The following HSPA9 variants were observed in gnomAD, a reference collection of about 807,000 sequenced individuals.
The protein encoded by HSPA9 is stress-70 protein, mitochondrial.
A neutral mutation model predicts 81.5 loss-of-function variants in HSPA9; 28 were observed. The ratio of observed to expected loss-of-function variants is 0.34; its 90% confidence interval spans 0.25 to 0.47. The LOEUF is 0.47. Among genes scored for constraint, HSPA9 ranks in the 20% least tolerant of loss-of-function variants. HSPA9 has a pLI of 1.00. For missense variants in HSPA9, 678 were observed against 838.0 expected, an observed-to-expected ratio of 0.81 and a Z score of 2.36; for synonymous variants, 293 against 290.4, an observed-to-expected ratio of 1.01 and a Z score of -0.09.
chr5:138,575,286 A>G lies in HSPA9; in HGVS notation c.33T>C (p.Arg11=). The G allele has an allele frequency of 6.2e-7, 1 of 1,611,812 alleles. No individual in the cohort carries two copies. Among genetic ancestry groups the G allele is most frequent in the Non-Finnish European group, 8.5e-7 (1 of 1,179,544 alleles). ...CCCGGGAGGCTGCGGCGCCCACGAG[A>G]CGGGCTGCTGCAGCTCGGCTGGCAC... is the stretch of plus-strand genomic sequence containing the variant. MISASRAAAA[R]LVGAAASRGP... is the part of the protein sequence containing the mutation. The change falls in exon 1 of 17, where the codon CGT becomes CGC. Residue 11 remains arginine, a synonymous_variant. Transcript: ENST00000297185.
chr5:138,556,645 C>T, intron 15 of HSPA9, 53 bp from the exon 16 acceptor site: 4 of 1,593,520 alleles, frequency 2.5e-6, no homozygotes, highest in Non-Finnish European at 2.6e-6. Context: ...TGTACCATTA[C>T]AAGTAGAAGT....
chr5:138,571,438 G>A (rs887929255), intron 3 of HSPA9, among the ~76,000 whole-genome samples: 1 of 151,970 alleles, frequency 6.6e-6, no homozygotes, highest in Non-Finnish European at 1.5e-5. Flanking sequence ...GCCCGCCTCA[G>A]CCTCCCGAAG....
In HSPA9 at chr5:138,569,048, T is replaced by G. The variant is rs773433521; in HGVS notation, c.412A>C (p.Lys138Gln). ...CGGACAATTTTAAAGGGAACATTTT[T>G]ACTGTAAGACACAAAAATTCTATTA... ...YDDPEVQKDI[K>Q]NVPFKIVRAS... The change falls in exon 5 of 17, where the codon AAA becomes CAA. Residue 138 changes from lysine to glutamine, a missense_variant and splice_region_variant. By Grantham distance (53) the Lys-to-Gln change is moderately conservative (BLOSUM62 1). Around this residue, in one of 4 missense-constraint regions of HSPA9, gnomAD observed 484 missense variants for 647.5 expected, o/e 0.75. Transcript: ENST00000297185. The G allele has an allele frequency of 1.2e-6, 2 of 1,613,730 alleles. No homozygotes were observed. Among genetic ancestry groups the G allele is most frequent in the East Asian group, 4.5e-5 (2 of 44,868 alleles).
chr5:138,571,220 G>A (rs113985110), intron 3 of HSPA9, 79 bp from the exon 4 acceptor site: 51 of 1,410,226 alleles, frequency 3.6e-5, no homozygotes, highest in Non-Finnish European at 4.3e-5. Context: ...TCACTCTGTC[G>A]CTAAGGCTGG....
intron 9 of HSPA9, among the ~76,000 whole-genome samples, chr5:138,564,180 T>C (rs1444270402): frequency 6.6e-6 from 1 of 152,230 alleles, no homozygotes; most frequent in Non-Finnish European, 1.5e-5. Flanking sequence ...CTGGGCTCAC[T>C]GCAACCTCTG....
In HSPA9 at chr5:138,575,229, G is replaced by T; in HGVS notation, c.81+9C>A. 1.3e-6 allele frequency: 2 copies of T among 1,593,840 alleles called. No individual in the cohort carries two copies. Among genetic ancestry groups the T allele is most frequent in the Non-Finnish European group, 1.7e-6 (2 of 1,169,826 alleles). On this transcript the variant is annotated intron_variant, in intron 1 of 16. Transcript: ENST00000297185. ...CGTGACCCCATTCGGGAAGGTCCCA[G>T]TTCCTCACCTGGTGGCGGGCGGCCG...
Position 138,575,250 on chromosome 5 carries a change from G to C in HSPA9, c.69C>G (p.Ala23=). ...CCCAGTTCCTCACCTGGTGGCGGGC[G>C]GCCGTAGGGCCCCGGGAGGCTGCGG... ...VGAAASRGPT[A]ARHQDSWNGL... is the part of the protein sequence containing the mutation. Residue 23 remains alanine (A), a synonymous_variant, in exon 1 of 17, where the codon GCC becomes GCG. Coordinates refer to ENST00000297185, the MANE Select transcript of HSPA9 (RefSeq NM_004134.7). 6.2e-7 allele frequency: 1 copy of C among 1,605,064 alleles called. No homozygotes were observed. The highest frequency in any genetic ancestry group is 1.3e-5 in the African/African-American group (1 of 74,996).
At chr5:138,561,243 C>G (rs1750653394) in intron 10 of HSPA9, 1 of 365,822 alleles carries the variant, frequency 2.7e-6, no homozygotes, top group Non-Finnish European at 5.5e-6. Flanking sequence ...AATTCTATGA[C>G]TGAGTTCGGG....
rs1750482072 is a variant in HSPA9 at position 138,554,651 on chromosome 5, G to A, written c.*1386C>T. ...CATATTACAAAACATTATAAAAGGA[G>A]CCATTGTGTCTGATATTCTAAGCCC... On this transcript the variant is annotated 3_prime_UTR_variant, in exon 17 of 17. Coordinates refer to ENST00000297185, the MANE Select transcript of HSPA9 (RefSeq NM_004134.7). 6.6e-6 allele frequency among the ~76,000 whole-genome samples: 1 copy of A among 152,196 alleles called. No homozygotes were observed. Among genetic ancestry groups the A allele is most frequent in the Admixed American group, 6.5e-5 (1 of 15,280 alleles).
intron 11 of HSPA9, chr5:138,559,581 G>T: frequency 2.5e-6 from 1 of 400,614 alleles, no homozygotes; most frequent in East Asian, 5.7e-5. Context: ...AGTCTCAAAT[G>T]ACTGAGATCC....
chr5:138,553,996 C>G lies in HSPA9; in HGVS notation c.*2041G>C, dbSNP rs1369009626. ...TGTGTTCCTGGTCACTGAAATTTTACCCCAACAGCTTTCCCAGCAGTGGAC... is the reference window on the plus strand; with the variant it reads ...TGTGTTCCTGGTCACTGAAATTTTAGCCCAACAGCTTTCCCAGCAGTGGAC... On this transcript the variant is annotated 3_prime_UTR_variant, in exon 17 of 17. Coordinates refer to ENST00000297185, the MANE Select transcript of HSPA9 (RefSeq NM_004134.7). Among the ~76,000 whole-genome samples, 1 of 152,188 alleles carries G rather than the reference C, an allele frequency of 6.6e-6. No individual in the cohort carries two copies. Among genetic ancestry groups the G allele is most frequent in the African/African-American group, 2.4e-5 (1 of 41,442 alleles).
chr5:138,572,061 A>G (rs1750916297), intron 3 of HSPA9, among the ~76,000 whole-genome samples: 1 of 145,804 alleles, frequency 6.9e-6, no homozygotes, highest in Non-Finnish European at 1.5e-5. Context: ...GCCTCAGCTG[A>G]TCCTCCCACC....
In HSPA9 at chr5:138,559,899, T is replaced by C; in HGVS notation, c.1375A>G (p.Asn459Asp). 6.2e-7 allele frequency: 1 copy of C among 1,613,766 alleles called. No homozygotes were observed. Among genetic ancestry groups the C allele is most frequent in the Non-Finnish European group, 8.5e-7 (1 of 1,179,714 alleles). Residue 459 changes from asparagine (N) to aspartate (D), a missense_variant, in exon 11 of 17, where the codon AAT becomes GAT. Physicochemically the swap from Asn to Asp is conservative, Grantham distance 23. Around this residue, in one of 4 missense-constraint regions of HSPA9, gnomAD observed 484 missense variants for 647.5 expected, o/e 0.75. Coordinates refer to ENST00000297185, the MANE Select transcript of HSPA9 (RefSeq NM_004134.7). ...TLGGVFTKLI[N>D]RNTTIPTKKS... Reference sequence around the variant, plus strand: ...TTGGTTGGAATAGTGGTATTCCTATTAATAAGTTTGGTAAAGACACCTCCT... The same window carrying C: ...TTGGTTGGAATAGTGGTATTCCTATCAATAAGTTTGGTAAAGACACCTCCT...
In HSPA9 at chr5:138,575,233, C is replaced by G; in HGVS notation, c.81+5G>C. 6.3e-7 allele frequency: 1 copy of G among 1,597,574 alleles called. No homozygotes were observed. Among genetic ancestry groups the G allele is most frequent in the Non-Finnish European group, 8.5e-7 (1 of 1,172,370 alleles). ...ACCCCATTCGGGAAGGTCCCAGTTC[C>G]TCACCTGGTGGCGGGCGGCCGTAGG... On this transcript the variant is annotated splice_donor_5th_base_variant and intron_variant, in intron 1 of 16. Coordinates refer to ENST00000297185, the MANE Select transcript of HSPA9 (RefSeq NM_004134.7).
In HSPA9 at chr5:138,575,344, C is replaced by T. The variant is rs773446267; in HGVS notation, c.-26G>A. Reference sequence around the variant, plus strand: ...GGCGGATAAATGGAGGAGTACGAGGCAGCAAACAAGCGCTCCGACGGCAAA... The same window carrying T: ...GGCGGATAAATGGAGGAGTACGAGGTAGCAAACAAGCGCTCCGACGGCAAA... On this transcript the variant is annotated 5_prime_UTR_variant, in exon 1 of 17. Transcript: ENST00000297185. 1 of 1,593,424 alleles carries T rather than the reference C, an allele frequency of 6.3e-7. No homozygotes were observed. Among genetic ancestry groups the T allele is most frequent in the Non-Finnish European group, 8.6e-7 (1 of 1,163,646 alleles).
In HSPA9 at chr5:138,567,548, G is replaced by C. The variant is rs148034518; in HGVS notation, c.623C>G (p.Ala208Gly). Residue 208 changes from alanine to glycine, a missense_variant, in exon 7 of 17, where the codon GCT becomes GGT. Transcript: ENST00000297185. ...NDSQRQATKD[A>G]GQISGLNVLR... ...CACATTCAGTCCAGATATCTGGCCA[G>C]CATCTTTAGTGGCCTAGAGAAAACA... The C allele has an allele frequency of 1.9e-6, 3 of 1,613,594 alleles. No individual in the cohort carries two copies. Among genetic ancestry groups the C allele is most frequent in the Non-Finnish European group, 2.5e-6 (3 of 1,179,478 alleles).
At chr5:138,570,878 G>T (rs962221853) in intron 4 of HSPA9, 82 bp downstream of exon 4, 4 of 1,164,312 alleles carry the variant, frequency 3.4e-6, no homozygotes, top group Non-Finnish European at 5.2e-6. Context: ...GTGCTCCAGG[G>T]ATCCTCATCA....
intron 9 of HSPA9, among the ~76,000 whole-genome samples, chr5:138,564,231 G>A (rs1449670722): frequency 6.6e-6 from 1 of 152,166 alleles, no homozygotes; most frequent in Non-Finnish European, 1.5e-5. Context: ...AGCCTACTGA[G>A]TAGCTGGGAT....
Position 138,553,828 on chromosome 5 carries a change from GTC to G in HSPA9, c.*2207_*2208del, listed in dbSNP as rs1750465364. Among the ~76,000 whole-genome samples, 1 of 151,676 alleles carries G rather than the reference GTC, an allele frequency of 6.6e-6. No individual in the cohort carries two copies. Among genetic ancestry groups the G allele is most frequent in the Non-Finnish European group, 1.5e-5 (1 of 67,988 alleles). ...ATGCCATTTAACGGGTTAAACATTT[GTC>G]TCTCTCCAGAAGAGATTAGTATTGA... is the stretch of plus-strand genomic sequence containing the variant. On this transcript the variant is annotated 3_prime_UTR_variant, in exon 17 of 17. Coordinates refer to ENST00000297185, the MANE Select transcript of HSPA9 (RefSeq NM_004134.7).
Sources: gnomAD v4.1 joint callset for allele counts (sites outside exome capture counted in the v4.1 genomes callset) on GRCh38, gnomAD v4.1.1 for gene constraint, gnomAD v4.1.1 regional missense constraint, MANE v1.5 for transcripts, NCBI Gene and HGNC (gene_info 2026-07-23, HGNC 2026-07-21) for gene names.